BBS9: variants seen among roughly 807,000 people sequenced by gnomAD.
BBS9 encodes the protein protein PTHB1.
Under a neutral mutation model 117.7 loss-of-function variants are expected in BBS9, and 89 were observed. The observed-to-expected ratio is 0.76, with a 90% CI of 0.64 to 0.90. The LOEUF is 0.90. BBS9 is among the 40% of genes least tolerant of loss of function. The probability of loss-of-function intolerance (pLI) is 0.00; values close to 1 mark genes in which losing one functional copy is unlikely to be tolerated. For missense variants in BBS9, 982 were observed against 1,042.2 expected (o/e 0.94, Z 0.80); for synonymous variants, 379 against 370.9 (o/e 1.02, Z -0.25).
chr7:33,406,283 A>G (rs186977452), intron 19 of BBS9, among the ~76,000 whole-genome samples: 13 of 152,268 alleles, frequency 8.5e-5, no homozygotes, highest in Admixed American at 2.0e-4. Context: ...ATTTTGGAAC[A>G]GGTGTGGTGT....
chr7:33,166,114 G>A (rs114005322), intron 4 of BBS9, among the ~76,000 whole-genome samples: 2,200 of 152,304 alleles, frequency 0.014, 58 homozygotes, highest in African/African-American at 0.05. Flanking sequence ...AGGTCTGTTC[G>A]AGTGTGCTGG....
intron 11 of BBS9, among the ~76,000 whole-genome samples, chr7:33,343,014 C>A (rs919675710): frequency 3.3e-5 from 5 of 152,154 alleles, no homozygotes; most frequent in African/African-American, 9.7e-5. Context: ...ATCCCATCTT[C>A]CTTACTGAGA....
intron 9 of BBS9, among the ~76,000 whole-genome samples, chr7:33,322,731 CATTT>C (rs1349049665): frequency 1.3e-5 from 2 of 151,762 alleles, no homozygotes; most frequent in African/African-American, 4.8e-5. Flanking sequence ...ATTTCAATGT[CATTT>C]ATTTCTTCTG....
intron 19 of BBS9, among the ~76,000 whole-genome samples, chr7:33,494,763 C>G (rs1844486810): frequency 6.6e-6 from 1 of 152,166 alleles, no homozygotes; most frequent in South Asian, 2.1e-4. Context: ...GTACAACAAA[C>G]AATAAAATAG....
intron 21 of BBS9, among the ~76,000 whole-genome samples, chr7:33,589,163 A>G (rs1386355651): frequency 6.6e-6 from 1 of 152,096 alleles, no homozygotes; most frequent in Admixed American, 6.6e-5. Flanking sequence ...ATGTGTTCTG[A>G]GACTCCCAGT....
In BBS9 at chr7:33,363,945, T is replaced by A. The variant is rs1322099554; in HGVS notation, c.1694-3822T>A. On this transcript the variant is annotated intron_variant, in intron 16 of 22. Coordinates refer to ENST00000242067, the MANE Select transcript of BBS9 (RefSeq NM_198428.3). ...TTCACTATATTTTTATTTTTTTTTT[T>A]ATTTTTTATTTTTTTTTTTTTGAGA... is the stretch of plus-strand genomic sequence containing the variant. Among the ~76,000 whole-genome samples, 13 of 31,542 alleles carry A rather than the reference T, an allele frequency of 4.1e-4. 4 individuals carry two copies. Among genetic ancestry groups the A allele is most frequent in the African/African-American group, 6.3e-4 (4 of 6,312 alleles). 20.7% of individuals were successfully genotyped at this position (31,542 alleles called of 152,430 possible).
chr7:33,545,556 G>A (rs1051481455), intron 21 of BBS9, among the ~76,000 whole-genome samples: 1 of 152,052 alleles, frequency 6.6e-6, no homozygotes, highest in Non-Finnish European at 1.5e-5. Flanking sequence ...ATTTGAGGGG[G>A]TCTCCCAAGT....
At chr7:33,358,681 A>G (rs985550470) in intron 16 of BBS9, among the ~76,000 whole-genome samples, 1 of 151,914 alleles carries the variant, frequency 6.6e-6, no homozygotes, top group African/African-American at 2.4e-5. Flanking sequence ...GTGTCATGTC[A>G]TTAATTTTCT....
chr7:33,195,126 G>C (rs1247902174), intron 5 of BBS9, among the ~76,000 whole-genome samples: 2 of 152,098 alleles, frequency 1.3e-5, no homozygotes, highest in Non-Finnish European at 2.9e-5. Context: ...ATGAGAGGGA[G>C]GTTTTTCTAT....
chr7:33,235,191 T>C (rs1380136143), intron 5 of BBS9, among the ~76,000 whole-genome samples: 2 of 152,152 alleles, frequency 1.3e-5, no homozygotes, highest in African/African-American at 4.8e-5. Context: ...GTGGCATCAT[T>C]TATGTTTACA....
chr7:33,157,173 C>G (rs975197378), intron 4 of BBS9, among the ~76,000 whole-genome samples: 1 of 152,094 alleles, frequency 6.6e-6, no homozygotes, highest in Non-Finnish European at 1.5e-5. Flanking sequence ...CCTGCTCGAA[C>G]TATGGGCCAA....
At chr7:33,552,975 T>G (rs1221251079) in intron 21 of BBS9, among the ~76,000 whole-genome samples, 1 of 152,116 alleles carries the variant, frequency 6.6e-6, no homozygotes, top group African/African-American at 2.4e-5. Context: ...ACACAAATCT[T>G]CCTTCACTTC....
At chr7:33,531,262 CAG>C (rs1035781394) in intron 20 of BBS9, among the ~76,000 whole-genome samples, 2 of 152,148 alleles carry the variant, frequency 1.3e-5, no homozygotes, top group African/African-American at 4.8e-5. Flanking sequence ...GAGAGGGAGA[CAG>C]AGAGAGCGAG....
chr7:33,269,422 G>A (rs1422679716), intron 7 of BBS9, among the ~76,000 whole-genome samples: 1 of 151,262 alleles, frequency 6.6e-6, no homozygotes, highest in Non-Finnish European at 1.5e-5. Flanking sequence ...GCCGATTAAT[G>A]GATTGATTGC....
rs761174142 is a variant in BBS9, at chr7:33,383,793, T to TATA, written c.1918_1920dup (p.Ile640dup). The stretch of plus-strand genomic sequence containing the variant: ...ATTTTGCATGTTCTTTTTCGGGATC[T>TATA]ATACCCCTTCAAGAATATTTTGAGT... On this transcript the variant is annotated inframe_insertion, in exon 18 of 23. Transcript: ENST00000242067. The TATA allele has an allele frequency of 1.3e-5, 21 of 1,612,846 alleles. No individual in the cohort carries two copies. In the East Asian group the frequency reaches 4.7e-4, roughly 36 times the overall value.
chr7:33,463,349 T>A (rs1839749019), intron 19 of BBS9, among the ~76,000 whole-genome samples: 1 of 152,116 alleles, frequency 6.6e-6, no homozygotes, highest in Non-Finnish European at 1.5e-5. Context: ...CTACATTAAC[T>A]TTTTGATAGG....
intron 19 of BBS9, among the ~76,000 whole-genome samples, chr7:33,422,255 C>T (rs1832967668): frequency 6.6e-6 from 1 of 152,122 alleles, no homozygotes; most frequent in Non-Finnish European, 1.5e-5. Flanking sequence ...CATATTACTT[C>T]ACAGTAACAT....
chr7:33,264,213 G>T (rs1798419836), intron 6 of BBS9, 77 bp from the exon 7 acceptor site: 2 of 728,800 alleles, frequency 2.7e-6, no homozygotes, highest in Non-Finnish European at 2.0e-6. Context: ...AGATTATTGT[G>T]TACTTTTAAA....
At chr7:33,389,716 T>A (rs1483447679) in intron 19 of BBS9, among the ~76,000 whole-genome samples, 13 of 124,890 alleles carry the variant, frequency 1.0e-4, no homozygotes, top group South Asian at 2.7e-4. Flanking sequence ...AAAAAAAAAA[T>A]TCATGGTTAT....
Sources: gnomAD v4.1 joint callset for allele counts (sites outside exome capture counted in the v4.1 genomes callset) on GRCh38, gnomAD v4.1.1 for gene constraint, MANE v1.5 for transcripts, NCBI Gene and HGNC (gene_info 2026-07-23, HGNC 2026-07-21) for gene names.